Variants in PLCL1 observed in about 807,000 individuals in gnomAD.
The protein encoded by PLCL1 is phospholipase C like 1 (inactive), also known as inactive phospholipase C-like protein 1.
PLCL1 carries 41 observed loss-of-function variants against 84.4 expected under a neutral mutation model. That is an observed-to-expected ratio of 0.49 (90% CI 0.38 to 0.63). The LOEUF is 0.63. Ranked by LOEUF, PLCL1 falls within the 30% of genes least tolerant of loss-of-function variation. PLCL1 has a pLI of 0.00. For missense variants in PLCL1, 1,206 were observed against 1,367.8 expected (o/e 0.88, Z 1.87); for synonymous variants, 490 against 488.3 (o/e 1.00, Z -0.05).
chr2:198,061,945 C>T (rs997473788), intron 1 of PLCL1, among the ~76,000 whole-genome samples: 2 of 152,174 alleles, frequency 1.3e-5, no homozygotes, highest in African/African-American at 4.8e-5. Flanking sequence ...CTTACTTTTT[C>T]CTCCATACAC....
chr2:198,088,022 A>G (rs1182005217), intron 2 of PLCL1, among the ~76,000 whole-genome samples: 1 of 152,180 alleles, frequency 6.6e-6, no homozygotes, highest in Non-Finnish European at 1.5e-5. Context: ...TAGTACTATT[A>G]TAAATCCCTA....
In PLCL1 at chr2:198,001,315, C is replaced by T. The variant is rs143557640; in HGVS notation, c.241-82443C>T. Among the ~76,000 whole-genome samples the T allele has an allele frequency of 2.5e-4, 38 of 152,184 alleles. 1 individual carries two copies. In the East Asian group the frequency reaches 6.0e-3, roughly 24 times the overall value. On this transcript the variant is annotated intron_variant, in intron 1 of 5. Coordinates refer to ENST00000428675, the MANE Select transcript of PLCL1 (RefSeq NM_006226.4). Reference sequence around the variant, plus strand: ...TTTTTTGTTTGCTTAGTTATTTCAACGTAAGCTTTCTATTGAGGGACAACA... The same window carrying T: ...TTTTTTGTTTGCTTAGTTATTTCAATGTAAGCTTTCTATTGAGGGACAACA...
At position 198,121,108 on chromosome 2, in the gene PLCL1, G is replaced by A. The variant is rs1386481211; in HGVS notation, c.3105+17172G>A. ...CTTTCCATATGCCTGTTTGCCATTT[G>A]TCTTCTTTTGAGAAATGTCTTTTCA... On this transcript the variant is annotated intron_variant, in intron 5 of 5. Transcript: ENST00000428675. 3.9e-5 allele frequency among the ~76,000 whole-genome samples: 6 copies of A among 152,064 alleles called. No individual in the cohort carries two copies. The East Asian group carries it at 1.2e-3, about 29-fold the overall frequency.
intron 1 of PLCL1, among the ~76,000 whole-genome samples, chr2:198,033,153 TG>T (rs1255391764): frequency 6.6e-6 from 1 of 152,202 alleles, no homozygotes; most frequent in African/African-American, 2.4e-5. Context: ...AATTTGAACC[TG>T]GAATCTGAAC....
At chr2:197,953,198 G>C (rs1689421958) in intron 1 of PLCL1, among the ~76,000 whole-genome samples, 1 of 152,100 alleles carries the variant, frequency 6.6e-6, no homozygotes, top group Admixed American at 6.6e-5. Flanking sequence ...ACTCGGGTTT[G>C]CTGACTCTGA....
intron 1 of PLCL1, among the ~76,000 whole-genome samples, chr2:197,999,917 G>C (rs909075391): frequency 1.5e-4 from 23 of 152,226 alleles, no homozygotes; most frequent in African/African-American, 5.1e-4. Context: ...ACATTCCGTA[G>C]GTAGTGCAGT....
At chr2:198,135,333 T>G (rs998968192) in intron 5 of PLCL1, among the ~76,000 whole-genome samples, 2 of 152,186 alleles carry the variant, frequency 1.3e-5, no homozygotes, top group Non-Finnish European at 2.9e-5. Flanking sequence ...GAAATGCAAT[T>G]AATTACCTTC....
At chr2:197,898,436 C>G (rs767093993) in intron 1 of PLCL1, among the ~76,000 whole-genome samples, 9 of 152,092 alleles carry the variant, frequency 5.9e-5, no homozygotes, top group Non-Finnish European at 1.2e-4. Flanking sequence ...TCTAAGTGTA[C>G]TTTGTTTTAT....
intron 1 of PLCL1, among the ~76,000 whole-genome samples, chr2:198,079,626 A>ATGAT (rs1274175739): frequency 1.3e-5 from 2 of 152,170 alleles, no homozygotes; most frequent in Admixed American, 6.5e-5. Context: ...CTTGATTCTG[A>ATGAT]TGATTGAATC....
intron 1 of PLCL1, among the ~76,000 whole-genome samples, chr2:197,962,725 C>T (rs1215963053): frequency 6.6e-6 from 1 of 151,940 alleles, no homozygotes. Context: ...TTAATCATCC[C>T]CACTCCCCAT....
chr2:197,886,478 C>T (rs995710077), intron 1 of PLCL1, among the ~76,000 whole-genome samples: 3 of 145,932 alleles, frequency 2.1e-5, no homozygotes, highest in African/African-American at 7.5e-5. Context: ...TAGGTGCATC[C>T]CAGTTCCTGG....
intron 1 of PLCL1, among the ~76,000 whole-genome samples, chr2:197,890,824 C>T: frequency 3.7e-5 from 1 of 26,904 alleles, no homozygotes; most frequent in Non-Finnish European, 7.0e-5. Context: ...TGTATATATA[C>T]ATATATGCAT....
chr2:197,863,779 C>T (rs942771552), intron 1 of PLCL1, among the ~76,000 whole-genome samples: 1 of 152,030 alleles, frequency 6.6e-6, no homozygotes, highest in East Asian at 1.9e-4. Flanking sequence ...GAAGTCATCC[C>T]GTGTATAAAC....
intron 5 of PLCL1, among the ~76,000 whole-genome samples, chr2:198,104,977 G>T (rs1382296120): frequency 6.6e-6 from 1 of 152,022 alleles, no homozygotes; most frequent in African/African-American, 2.4e-5. Flanking sequence ...TAGGTTGTCT[G>T]TTTGCTGTCT....
Position 197,886,411 on chromosome 2 carries a change from C to CAAAAAAAAAAAAAAAAAAAAAA in PLCL1, c.240+81092_240+81113dup, listed in dbSNP as rs61183744. 6.5e-5 allele frequency among the ~76,000 whole-genome samples: 5 copies of CAAAAAAAAAAAAAAAAAAAAAA among 77,092 alleles called. 1 individual carries two copies. Among genetic ancestry groups the CAAAAAAAAAAAAAAAAAAAAAA allele is most frequent in the Non-Finnish European group, 8.0e-5 (3 of 37,400 alleles). 50.6% of individuals were successfully genotyped at this position (77,092 alleles called of 152,430 possible). On this transcript the variant is annotated intron_variant, in intron 1 of 5. Coordinates refer to ENST00000428675, the MANE Select transcript of PLCL1 (RefSeq NM_006226.4). Reference sequence around the variant, plus strand: ...TGGGCAACAGAATGAGACTCTGTCTCAAAAAAAAAAAAAAAAAAAAAAAAA... The same window carrying CAAAAAAAAAAAAAAAAAAAAAA: ...TGGGCAACAGAATGAGACTCTGTCTCAAAAAAAAAAAAAAAAAAAAAAAAAAAAAAAAAAAAAAAAAAAAAAA...
intron 1 of PLCL1, among the ~76,000 whole-genome samples, chr2:198,001,581 G>T (rs1226151050): frequency 1.3e-5 from 2 of 152,090 alleles, no homozygotes; most frequent in Admixed American, 1.3e-4. Flanking sequence ...TTCCCTTTCT[G>T]GCTTCTTTGA....
At chr2:197,845,087 T>C (rs1023803022) in intron 1 of PLCL1, among the ~76,000 whole-genome samples, 8 of 152,106 alleles carry the variant, frequency 5.3e-5, no homozygotes, top group Admixed American at 4.6e-4. Context: ...TATTCAGCCT[T>C]ATGGCTGTGT....
chr2:197,843,967 G>A (rs529868450), intron 1 of PLCL1, among the ~76,000 whole-genome samples: 2 of 152,214 alleles, frequency 1.3e-5, no homozygotes, highest in Non-Finnish European at 2.9e-5. Context: ...GAGGGAACAT[G>A]TATTGGTTGT....
chr2:197,983,508 C>T (rs145849004), intron 1 of PLCL1, among the ~76,000 whole-genome samples: 193 of 152,238 alleles, frequency 1.3e-3, no homozygotes, highest in African/African-American at 4.2e-3. Context: ...GTTGGGATTA[C>T]AAGCATGAGC....
Sources: gnomAD v4.1 joint callset for allele counts (sites outside exome capture counted in the v4.1 genomes callset) on GRCh38, gnomAD v4.1.1 for gene constraint, MANE v1.5 for transcripts, NCBI Gene and HGNC (gene_info 2026-07-23, HGNC 2026-07-21) for gene names.